DUSP9: variants seen among roughly 807,000 people sequenced by gnomAD.
DUSP9 encodes the protein dual specificity protein phosphatase 9.
Under a neutral mutation model 13.2 loss-of-function variants are expected in DUSP9, and 4 were observed. The observed-to-expected ratio is 0.30, with a 90% confidence interval of 0.15 to 0.69. The LOEUF (loss-of-function observed/expected upper bound fraction) is 0.69, where lower values mean the gene tolerates loss of function less well. Among genes scored for constraint, DUSP9 ranks in the 30% least tolerant of loss-of-function variants. DUSP9 has a pLI of 0.73. For missense variants in DUSP9, 263 were observed against 355.0 expected (o/e 0.74, Z 2.08); for synonymous variants, 166 against 172.3 (o/e 0.96, Z 0.29).
At chrX:153,648,710 G>A (rs781904317) in intron 2 of DUSP9, among the ~76,000 whole-genome samples, 3 of 112,087 alleles carry the variant, frequency 2.7e-5, no homozygotes, top group East Asian at 5.6e-4. Flanking sequence ...GGGCTCAAGC[G>A]ATCCTCCTGC....
chrX:153,645,478 G>A (rs1414729682), upstream of DUSP9, among the ~76,000 whole-genome samples: 1 of 113,177 alleles, frequency 8.8e-6, no homozygotes, highest in Non-Finnish European at 1.9e-5. Context: ...CCCACTGCCC[G>A]AAAGGGAGGG....
At chrX:153,647,783 G>A (rs1025207119) in intron 1 of DUSP9, 136 bp from the exon 2 acceptor site, 2 of 457,031 alleles carry the variant, frequency 4.4e-6, no homozygotes, top group Non-Finnish European at 6.3e-6. Flanking sequence ...TGCCTGGGGG[G>A]TTTCTTGGGG....
intron 2 of DUSP9, among the ~76,000 whole-genome samples, chrX:153,648,668 A>G (rs1557035938): frequency 8.9e-6 from 1 of 112,238 alleles, no homozygotes; most frequent in African/African-American, 3.2e-5. Context: ...GTCAGACAGC[A>G]CTGGTGCAAT....
upstream of DUSP9, among the ~76,000 whole-genome samples, chrX:153,644,665 A>C (rs2091182141): frequency 1.8e-5 from 2 of 112,250 alleles, no homozygotes; most frequent in South Asian, 7.3e-4. Context: ...CCTCCTCCCA[A>C]ATGCTTTCTC....
In DUSP9 at chrX:153,649,992, C is replaced by A. The variant is rs1487984789; in HGVS notation, c.842C>A (p.Ser281Tyr). 17 of 1,207,487 alleles carry A rather than the reference C, an allele frequency of 1.4e-5. No homozygotes were observed. The highest frequency in any genetic ancestry group is 1.9e-5 in the Non-Finnish European group (17 of 894,446). ...CTGCCCCATCTAGATGAGGCCTTGT[C>A]CCAGAACTGCGGGGTGCTCGTCCAC... Reference protein sequence around the residue: ...EAIEFIDEALSQNCGVLVHCL... With the variant: ...EAIEFIDEALYQNCGVLVHCL... Residue 281 changes from serine to tyrosine, a missense_variant, in exon 4 of 4, where the codon TCC (serine) becomes TAC (tyrosine). Physicochemically the swap from Ser to Tyr is moderately radical, Grantham distance 144. Coordinates refer to ENST00000342782, the MANE Select transcript of DUSP9 (RefSeq NM_001318503.2).
In DUSP9 at chrX:153,648,320, C is replaced by T; in HGVS notation, c.367C>T (p.Leu123Phe). ...AGAGGAAGGCTACCTGGCCTACTAC[C>T]TCCAGGGTAGGTGCCGCGGGGCCCT... Reference protein sequence around the residue: ...LREEGYLAYYLQGGFSRFQAE... With the variant: ...LREEGYLAYYFQGGFSRFQAE... The change falls in exon 2 of 4, where the codon CTC becomes TTC. Residue 123 changes from leucine to phenylalanine, a missense_variant. Transcript: ENST00000342782. 1 of 1,127,759 alleles carries T rather than the reference C, an allele frequency of 8.9e-7. No homozygotes were observed. The highest frequency in any genetic ancestry group is 2.8e-5 in the Admixed American group (1 of 35,690). The allele number at this position is 1,127,759 out of a possible 1,213,427, so 92.9% of individuals were successfully genotyped here.
At chrX:153,644,804 C>G (rs1239358045), upstream of DUSP9, among the ~76,000 whole-genome samples, 1 of 112,257 alleles carries the variant, frequency 8.9e-6, no homozygotes, top group Non-Finnish European at 1.9e-5. Context: ...TTGCCTCTCC[C>G]CGTCCTCATT....
chrX:153,645,372 G>C (rs2091184517), upstream of DUSP9, among the ~76,000 whole-genome samples: 1 of 113,158 alleles, frequency 8.8e-6, no homozygotes, highest in Non-Finnish European at 1.9e-5. Context: ...AAAGCCCTTG[G>C]ATGCAGGAAT....
upstream of DUSP9, among the ~76,000 whole-genome samples, chrX:153,642,927 C>T (rs2091174445): frequency 9.4e-6 from 1 of 105,834 alleles, no homozygotes; most frequent in Non-Finnish European, 2.0e-5. Flanking sequence ...CTGTCCCCAA[C>T]TCATGCCAAC....
chrX:153,648,431 T>A lies in DUSP9; in HGVS notation c.373+105T>A. On this transcript the variant is annotated intron_variant, in intron 2 of 3. Coordinates refer to ENST00000342782, the MANE Select transcript of DUSP9 (RefSeq NM_001318503.2). The stretch of plus-strand genomic sequence containing the variant: ...GCGAGTTGAGGCCCCCCTCCCCTGA[T>A]GACCTGCCAGGCTGCTTTGAGAGGA... 3.3e-6 allele frequency: 3 copies of A among 916,142 alleles called. No individual in the cohort carries two copies. In the South Asian group the frequency reaches 1.0e-4, roughly 31 times the overall value. 75.5% of individuals were successfully genotyped at this position (916,142 alleles called of 1,213,427 possible).
Position 153,648,244 on chromosome X carries a change from C to T in DUSP9, c.291C>T (p.Ala97=), listed in dbSNP as rs1424284100. The change falls in exon 2 of 4, where the codon GCC becomes GCT. Residue 97 remains alanine, a synonymous_variant. Transcript: ENST00000342782. ...RRRRGEAEAE[A]EEWEAESVLG... ...GGCGCGGGGAGGCCGAGGCCGAGGC[C>T]GAGGAGTGGGAGGCCGAGTCGGTGC... 10 of 1,122,622 alleles carry T rather than the reference C, an allele frequency of 8.9e-6. No individual in the cohort carries two copies. The highest frequency in any genetic ancestry group is 1.0e-5 in the Non-Finnish European group (9 of 858,914). 92.5% of individuals were successfully genotyped at this position (1,122,622 alleles called of 1,213,427 possible). A position where few individuals can be genotyped will look rare whatever the true frequency, so the allele number is the denominator to read the frequency against.
rs1557035755 is a variant in DUSP9, at chrX:153,648,059, G to A, written c.106G>A (p.Ala36Thr). 2.8e-6 allele frequency: 3 copies of A among 1,068,802 alleles called. No individual in the cohort carries two copies. The Admixed American group carries it at 1.2e-4, about 42-fold the overall frequency. 88.1% of individuals were successfully genotyped at this position (1,068,802 alleles called of 1,213,427 possible). Residue 36 changes from alanine (A) to threonine (T), a missense_variant, in exon 2 of 4, where the codon GCG becomes ACG. By Grantham distance (58) the Ala-to-Thr change is moderately conservative (BLOSUM62 0). Coordinates refer to ENST00000342782, the MANE Select transcript of DUSP9 (RefSeq NM_001318503.2). ...CCGCAGCCGCGAGCTGTACGAGTCG[G>A]CGCGCATCGGTGGGGCGCTGAGCGT... Reference protein sequence around the residue: ...DCRSRELYESARIGGALSVAL... With the variant: ...DCRSRELYESTRIGGALSVAL...
At chrX:153,643,260 G>C (rs985616948), upstream of DUSP9, among the ~76,000 whole-genome samples, 8 of 110,330 alleles carry the variant, frequency 7.3e-5, no homozygotes, top group Non-Finnish European at 7.6e-5. Context: ...ACGCTCTCCA[G>C]CATCCTGCCC....
At chrX:153,642,986 G>A (rs1390641399), upstream of DUSP9, among the ~76,000 whole-genome samples, 1 of 99,273 alleles carries the variant, frequency 1.0e-5, no homozygotes, top group Non-Finnish European at 2.0e-5. Context: ...GCACACGCAC[G>A]CTTCCAACAC....
rs1381044940 is a variant in DUSP9 at position 153,650,404 on chromosome X, T to C, written c.*99T>C. 4.6e-6 allele frequency: 3 copies of C among 651,863 alleles called. No homozygotes were observed. In the East Asian group the frequency reaches 1.1e-4, roughly 23 times the overall value. 53.7% of individuals were successfully genotyped at this position (651,863 alleles called of 1,213,427 possible). A position where few individuals can be genotyped will look rare whatever the true frequency, so the allele number is the denominator to read the frequency against. ...GAGGGGAGGGCAGGAGGGCTCGGCC[T>C]GAGCAGGGTGCTGGGGGGAGAGCGC... On this transcript the variant is annotated 3_prime_UTR_variant, in exon 4 of 4. Coordinates refer to ENST00000342782, the MANE Select transcript of DUSP9 (RefSeq NM_001318503.2).
upstream of DUSP9, among the ~76,000 whole-genome samples, chrX:153,642,859 C>T (rs1569537857): frequency 1.8e-5 from 2 of 109,774 alleles, no homozygotes; most frequent in East Asian, 2.9e-4. Flanking sequence ...AAACCACGCA[C>T]CACAGACCCG....
At chrX:153,644,296 G>A (rs1656517520), upstream of DUSP9, among the ~76,000 whole-genome samples, 1 of 98,915 alleles carries the variant, frequency 1.0e-5, no homozygotes, top group African/African-American at 3.5e-5. Context: ...GGGCGGGTGC[G>A]GGGGCGGGGG....
At chrX:153,644,898 G>A (rs1476151742), upstream of DUSP9, among the ~76,000 whole-genome samples, 1 of 112,737 alleles carries the variant, frequency 8.9e-6, no homozygotes, top group Non-Finnish European at 1.9e-5. Context: ...TAGCCGAACT[G>A]AGCCCCCACG....
In DUSP9 at chrX:153,650,729, C is replaced by T. The variant is rs1557036461; in HGVS notation, c.*424C>T. On this transcript the variant is annotated 3_prime_UTR_variant, in exon 4 of 4. Transcript: ENST00000342782. ...GTGTTGTCACCTCCCTGTTTCTCCA[C>T]CAAGGGCTTGGGCCTCTCGGGGCTG... 5 of 116,224 alleles carry T rather than the reference C, an allele frequency of 4.3e-5. No individual in the cohort carries two copies. In the South Asian group the frequency reaches 1.6e-3, roughly 36 times the overall value. The allele number at this position is 116,224 out of a possible 1,213,427, so 9.6% of individuals were successfully genotyped here. A position where few individuals can be genotyped will look rare whatever the true frequency, so the allele number is the denominator to read the frequency against.
Sources: allele counts gnomAD v4.1 joint callset (sites outside exome capture counted in the v4.1 genomes callset), GRCh38; gene constraint gnomAD v4.1.1; transcripts MANE v1.5; gene names NCBI Gene and HGNC (gene_info 2026-07-23, HGNC 2026-07-21).